ECE1: variants seen among roughly 807,000 people sequenced by gnomAD.
ECE1 encodes endothelin-converting enzyme 1.
Under a neutral mutation model 98.6 loss-of-function variants are expected in ECE1, and 35 were observed. The ratio of observed to expected loss-of-function variants is 0.35; its 90% CI spans 0.27 to 0.47. The LOEUF (loss-of-function observed/expected upper bound fraction) is 0.47. ECE1 is among the 20% of genes least tolerant of loss of function. The pLI is 1.00. For synonymous variants in ECE1, 394 were observed against 407.1 expected (o/e 0.97, Z 0.39); for missense variants, 814 against 1,025.3 (o/e 0.79, Z 2.81).
rs1192592921 is a variant in ECE1 at position 21,275,156 on chromosome 1, C to G, written c.281-2245G>C. On this transcript the variant is annotated intron_variant, in intron 3 of 18. Coordinates refer to ENST00000374893, the MANE Select transcript of ECE1 (RefSeq NM_001397.3). The stretch of plus-strand genomic sequence containing the variant: ...GCCCAGGAGACAGGCTGAGAGTGAG[C>G]CTAACGCGGGAAGACGCATCAGAAT... Among the ~76,000 whole-genome samples the G allele has an allele frequency of 3.3e-5, 5 of 152,254 alleles. No homozygotes were observed. In the East Asian group the frequency reaches 7.7e-4, roughly 23 times the overall value.
At chr1:21,316,596 T>C (rs1558429765) in intron 1 of ECE1, among the ~76,000 whole-genome samples, 1 of 151,950 alleles carries the variant, frequency 6.6e-6, no homozygotes, top group African/African-American at 2.4e-5. Context: ...TTAACATACA[T>C]AACACACATA....
At chr1:21,300,922 T>TACAC (rs1167446032) in intron 1 of ECE1, among the ~76,000 whole-genome samples, 3 of 152,214 alleles carry the variant, frequency 2.0e-5, no homozygotes, top group Non-Finnish European at 4.4e-5. Context: ...TAGTGCCTGG[T>TACAC]ACACAGCAAG....
rs1421508562 is a variant in ECE1 at position 21,225,698 on chromosome 1, T to TC, written c.1850-259_1850-258insG. 4.1e-5 allele frequency among the ~76,000 whole-genome samples: 6 copies of TC among 148,108 alleles called. No individual in the cohort carries two copies. Among genetic ancestry groups the TC allele is most frequent in the South Asian group, 2.1e-4 (1 of 4,766 alleles). On this transcript the variant is annotated intron_variant, in intron 16 of 18. Coordinates refer to ENST00000374893, the MANE Select transcript of ECE1 (RefSeq NM_001397.3). The surrounding 1 kb of genome is among the most constrained non-coding windows in gnomAD (Gnocchi z 5.3). ...TGGGGCTTGCTTTGTTTTCTTTCTT[T>TC]TTTTTTTTTTTTTGAGACAGTCTCA...
intron 1 of ECE1, among the ~76,000 whole-genome samples, chr1:21,320,621 G>A (rs1458787617): frequency 6.6e-6 from 1 of 152,200 alleles, no homozygotes; most frequent in East Asian, 1.9e-4. Context: ...GGGAACTGAG[G>A]CTCAGAGAGG....
At chr1:21,244,523 G>A (rs1173231308) in intron 10 of ECE1, among the ~76,000 whole-genome samples, 1 of 152,166 alleles carries the variant, frequency 6.6e-6, no homozygotes, top group African/African-American at 2.4e-5. Flanking sequence ...GCCTTTGGAA[G>A]AATGGACCCT....
chr1:21,253,422 T>C (rs1417779623), intron 8 of ECE1, among the ~76,000 whole-genome samples: 3 of 152,140 alleles, frequency 2.0e-5, no homozygotes, highest in East Asian at 1.9e-4. Flanking sequence ...TTCTGGGAGA[T>C]AGTCCATGGT....
Position 21,258,878 on chromosome 1 carries a change from G to A in ECE1, c.616-39C>T. ...GAGCAGGCAGGGAGGTGATGAGGTG[G>A]CGGGGAGACCCAGATGTGAATTCTG... On this transcript the variant is annotated intron_variant, in intron 5 of 18. Coordinates refer to ENST00000374893, the MANE Select transcript of ECE1 (RefSeq NM_001397.3). This position sits in a 1 kb window ranked among gnomAD's most constrained non-coding sequence, Gnocchi z 4.2. 2 of 1,612,768 alleles carry A rather than the reference G, an allele frequency of 1.2e-6. No individual in the cohort carries two copies. The highest frequency in any genetic ancestry group is 8.5e-7 in the Non-Finnish European group (1 of 1,179,432).
chr1:21,224,326 T>G (rs988187507), intron 17 of ECE1, among the ~76,000 whole-genome samples: 3 of 152,340 alleles, frequency 2.0e-5, no homozygotes, highest in African/African-American at 7.2e-5. Context: ...TCTTACAGAT[T>G]TATGATGTAT....
At chr1:21,313,426 G>T (rs1638769097) in intron 1 of ECE1, among the ~76,000 whole-genome samples, 1 of 152,220 alleles carries the variant, frequency 6.6e-6, no homozygotes, top group South Asian at 2.1e-4. Flanking sequence ...CCAGCTGACA[G>T]TGGGGGAATG....
rs1639111163 is a variant in ECE1 at position 21,327,740 on chromosome 1, G to A, written c.3+17636C>T. The stretch of plus-strand genomic sequence containing the variant: ...ACAGCTGGGGTCCCCAGCCCCCCGG[G>A]CCTCAGACCAGTACCAGTCCATGGC... On this transcript the variant is annotated intron_variant, in intron 1 of 18. Coordinates refer to the ECE1 transcript ENST00000415912. The surrounding 1 kb of genome is among the most constrained non-coding windows in gnomAD (Gnocchi z 4.6). Among the ~76,000 whole-genome samples the A allele has an allele frequency of 1.3e-5, 2 of 152,146 alleles. No homozygotes were observed. The highest frequency in any genetic ancestry group is 4.1e-4 in the South Asian group (2 of 4,824).
At chr1:21,278,278 G>C (rs1189620276) in intron 3 of ECE1, among the ~76,000 whole-genome samples, 3 of 152,232 alleles carry the variant, frequency 2.0e-5, no homozygotes, top group Non-Finnish European at 2.9e-5. Context: ...TGTTTACTGA[G>C]CATCAACTCT....
At chr1:21,289,222 T>C (rs753812795) in intron 2 of ECE1, among the ~76,000 whole-genome samples, 1 of 151,990 alleles carries the variant, frequency 6.6e-6, no homozygotes, top group African/African-American at 2.4e-5. Flanking sequence ...CCAGCTCCTC[T>C]TTCTACACTG....
chr1:21,303,765 C>CA (rs1638536327), intron 1 of ECE1, among the ~76,000 whole-genome samples: 1 of 152,094 alleles, frequency 6.6e-6, no homozygotes, highest in Non-Finnish European at 1.5e-5. Flanking sequence ...GCTCCTGCCT[C>CA]AGCCTTCCGA....
Position 21,265,155 on chromosome 1 carries a change from C to A in ECE1, c.494-4763G>T, listed in dbSNP as rs769270089. On this transcript the variant is annotated intron_variant, in intron 4 of 18. Coordinates refer to ENST00000374893, the MANE Select transcript of ECE1 (RefSeq NM_001397.3). ...CCCCAGCCCCAAGCAATGCCTGGCA[C>A]ACAGAAAGTGTCTGATGCATAATTG... 6.6e-4 allele frequency among the ~76,000 whole-genome samples: 101 copies of A among 152,196 alleles called. 1 individual carries two copies. The highest frequency in any genetic ancestry group is 1.2e-4 in the Non-Finnish European group (8 of 68,038).
chr1:21,276,811 G>C (rs748517931), intron 3 of ECE1, among the ~76,000 whole-genome samples: 2 of 151,514 alleles, frequency 1.3e-5, no homozygotes, highest in Non-Finnish European at 2.9e-5. Flanking sequence ...TCAACCTCTC[G>C]AGTAGCCGGT....
chr1:21,272,390 C>T (rs2098241242), intron 4 of ECE1, among the ~76,000 whole-genome samples: 1 of 152,202 alleles, frequency 6.6e-6, no homozygotes, highest in Admixed American at 6.5e-5. Flanking sequence ...CTCCCAGTTT[C>T]AAGCGATTCT....
intron 10 of ECE1, among the ~76,000 whole-genome samples, chr1:21,240,552 G>A (rs2098194764): frequency 6.6e-6 from 1 of 152,132 alleles, no homozygotes; most frequent in African/African-American, 2.4e-5. Context: ...TTTATTGTAT[G>A]TAAATTATGC....
At chr1:21,344,956 C>T in intron 1 of ECE1, 1 of 156,206 alleles carries the variant, frequency 6.4e-6, no homozygotes, top group Non-Finnish European at 1.4e-5. Context: ...CCGGGACGCT[C>T]AGGTCCAGCT....
intron 2 of ECE1, among the ~76,000 whole-genome samples, chr1:21,283,681 G>A (rs1443246306): frequency 6.6e-6 from 1 of 152,202 alleles, no homozygotes; most frequent in Non-Finnish European, 1.5e-5. Context: ...GGCAACCCAC[G>A]TCTCCAGGAC....
Sources: allele counts gnomAD v4.1 joint callset (sites outside exome capture counted in the v4.1 genomes callset), GRCh38; gene constraint gnomAD v4.1.1; non-coding constraint Gnocchi (gnomAD v3.1); transcripts MANE v1.5; gene names NCBI Gene and HGNC (gene_info 2026-07-23, HGNC 2026-07-21).